TMCO4: variants seen among roughly 807,000 people sequenced by gnomAD.
The protein encoded by TMCO4 is transmembrane and coiled-coil domains 4.
A neutral mutation model predicts 64.7 loss-of-function variants in TMCO4; 58 were observed. The ratio of observed to expected loss-of-function variants is 0.90; its 90% CI spans 0.73 to 1.12. The LOEUF is 1.12. Among genes scored for constraint, TMCO4 ranks in the 50% most tolerant of loss-of-function variants. The pLI, the probability that TMCO4 is intolerant of heterozygous loss-of-function variation, is 0.00. For missense variants in TMCO4, 780 were observed against 825.9 expected, an observed-to-expected ratio of 0.94 and a Z score of 0.68; for synonymous variants, 325 against 346.1, an observed-to-expected ratio of 0.94 and a Z score of 0.68.
At chr1:19,793,731 C>T (rs913424387) in intron 2 of TMCO4, among the ~76,000 whole-genome samples, 1 of 152,186 alleles carries the variant, frequency 6.6e-6, no homozygotes, top group Non-Finnish European at 1.5e-5. Context: ...GGAGGAGGGG[C>T]AGGAGGGTGG....
chr1:19,699,978 C>T (rs1053769752), intron 14 of TMCO4, among the ~76,000 whole-genome samples: 4 of 152,298 alleles, frequency 2.6e-5, no homozygotes, highest in South Asian at 4.1e-4. Flanking sequence ...CCTCAGAACC[C>T]AGGCCTGTGT....
chr1:19,766,132 T>C (rs1883570), intron 6 of TMCO4, among the ~76,000 whole-genome samples: 61,049 of 151,772 alleles, frequency 0.4, 12,289 homozygotes, highest in African/African-American at 0.43. Context: ...TCCAAAGAAG[T>C]GTCGCCCACC....
chr1:19,734,941 C>G lies in TMCO4; in HGVS notation c.1264+2431G>C, dbSNP rs2095447045. Among the ~76,000 whole-genome samples the G allele has an allele frequency of 6.6e-6, 1 of 152,220 alleles. No homozygotes were observed. Among genetic ancestry groups the G allele is most frequent in the East Asian group, 1.9e-4 (1 of 5,174 alleles). Reference sequence around the variant, plus strand: ...AAGTGCTTGGAACACAGCCTGGCACCCGGTGGATCTGCACTAGCTCGTGGG... The same window carrying G: ...AAGTGCTTGGAACACAGCCTGGCACGCGGTGGATCTGCACTAGCTCGTGGG... On this transcript the variant is annotated intron_variant, in intron 13 of 15. Coordinates refer to ENST00000294543, the MANE Select transcript of TMCO4 (RefSeq NM_181719.7). This position sits in a 1 kb window ranked among gnomAD's most constrained non-coding sequence, Gnocchi z 4.4.
chr1:19,710,501 C>A (rs1282385774), intron 13 of TMCO4, among the ~76,000 whole-genome samples: 3 of 152,118 alleles, frequency 2.0e-5, no homozygotes, highest in Non-Finnish European at 2.9e-5. Context: ...CTTCATACAT[C>A]AATTAATTTC....
At chr1:19,725,696 A>G (rs2095405841) in intron 13 of TMCO4, among the ~76,000 whole-genome samples, 1 of 152,166 alleles carries the variant, frequency 6.6e-6, no homozygotes, top group African/African-American at 2.4e-5. Context: ...GGGATTGTTC[A>G]TTGCTAGGAA....
chr1:19,742,499 C>G (rs1047204002), intron 10 of TMCO4, among the ~76,000 whole-genome samples: 7 of 152,328 alleles, frequency 4.6e-5, no homozygotes, highest in South Asian at 2.1e-4. Context: ...GACAATACTA[C>G]AGCTGCCCCC....
chr1:19,763,547 G>C (rs1216096665), intron 6 of TMCO4, among the ~76,000 whole-genome samples: 3 of 152,118 alleles, frequency 2.0e-5, no homozygotes, highest in Non-Finnish European at 2.9e-5. Context: ...GCCACTCTCT[G>C]AGCCAGGGTG....
Position 19,682,244 on chromosome 1 carries a change from T to C in TMCO4, c.*796A>G, listed in dbSNP as rs1448849510. 1 of 191,166 alleles carries C rather than the reference T, an allele frequency of 5.2e-6. No homozygotes were observed. Among genetic ancestry groups the C allele is most frequent in the African/African-American group, 2.3e-5 (1 of 43,664 alleles). The allele number at this position is 191,166 out of a possible 1,614,324, so 11.8% of individuals were successfully genotyped here. A position where few individuals can be genotyped will look rare whatever the true frequency, so the allele number is the denominator to read the frequency against. ...ACATGCTCAAGAAGTGGTAGCTTCTTCTTATTATTATTTATTGCTGTTGTT... is the reference window on the plus strand; with the variant it reads ...ACATGCTCAAGAAGTGGTAGCTTCTCCTTATTATTATTTATTGCTGTTGTT... On this transcript the variant is annotated 3_prime_UTR_variant, in exon 16 of 16. Coordinates refer to ENST00000294543, the MANE Select transcript of TMCO4 (RefSeq NM_181719.7).
intron 7 of TMCO4, among the ~76,000 whole-genome samples, chr1:19,749,773 C>G (rs2041947505): frequency 6.6e-6 from 1 of 152,164 alleles, no homozygotes; most frequent in South Asian, 2.1e-4. Context: ...AGCCTGGGAC[C>G]CAGAACCAGT....
At chr1:19,723,338 C>G (rs533264462) in intron 13 of TMCO4, among the ~76,000 whole-genome samples, 1 of 152,248 alleles carries the variant, frequency 6.6e-6, no homozygotes, top group East Asian at 1.9e-4. Context: ...GGGATAGTCT[C>G]TTCTTTGTCT....
chr1:19,789,734 T>C (rs1013351129), intron 2 of TMCO4, among the ~76,000 whole-genome samples: 4 of 152,104 alleles, frequency 2.6e-5, no homozygotes, highest in African/African-American at 9.7e-5. Flanking sequence ...TTAAGTCCCA[T>C]ACATTTGACC....
At position 19,683,005 on chromosome 1, in the gene TMCO4, A is replaced by G; in HGVS notation, c.*35T>C. 1 of 1,529,556 alleles carries G rather than the reference A, an allele frequency of 6.5e-7. No homozygotes were observed. Among genetic ancestry groups the G allele is most frequent in the Non-Finnish European group, 8.8e-7 (1 of 1,142,280 alleles). The allele number at this position is 1,529,556 out of a possible 1,614,324, so 94.7% of individuals were successfully genotyped here. ...GGGTATAAGAGAGAGCTGCATATGGAGACTGGGGAAGACGGCTCAGGTCCC... is the reference window on the plus strand; with the variant it reads ...GGGTATAAGAGAGAGCTGCATATGGGGACTGGGGAAGACGGCTCAGGTCCC... On this transcript the variant is annotated 3_prime_UTR_variant, in exon 16 of 16. Coordinates refer to ENST00000294543, the MANE Select transcript of TMCO4 (RefSeq NM_181719.7).
chr1:19,738,972 G>A (rs1216587853), intron 12 of TMCO4, among the ~76,000 whole-genome samples: 1 of 152,216 alleles, frequency 6.6e-6, no homozygotes, highest in Non-Finnish European at 1.5e-5. Context: ...GAGCTCGGAT[G>A]ATGCCATCTT....
intron 6 of TMCO4, among the ~76,000 whole-genome samples, chr1:19,766,938 G>T (rs755694241): frequency 6.6e-6 from 1 of 152,118 alleles, no homozygotes; most frequent in Non-Finnish European, 1.5e-5. Flanking sequence ...GGGACCTTTG[G>T]GGCCCTGGCA....
At chr1:19,708,013 C>T (rs749433064) in intron 13 of TMCO4, among the ~76,000 whole-genome samples, 1 of 152,098 alleles carries the variant, frequency 6.6e-6, no homozygotes, top group Non-Finnish European at 1.5e-5. Flanking sequence ...CCCACCAGGC[C>T]TCTCCTTCAA....
chr1:19,780,750 C>T lies in TMCO4; in HGVS notation c.9G>A (p.Met3Ile). Reference sequence around the variant, plus strand: ...GCAGCCTCTGGCATGGCCTGTTCCACATGGCCATTCCCAGCGCTGCAGGAG... The same window carrying T: ...GCAGCCTCTGGCATGGCCTGTTCCATATGGCCATTCCCAGCGCTGCAGGAG... MA[M>I]WNRPCQRLPQ... The change falls in exon 4 of 16, where the codon ATG becomes ATA. Residue 3 changes from methionine to isoleucine, a missense_variant. Met to Ile is a conservative substitution (Grantham distance 10, BLOSUM62 1). Transcript: ENST00000294543. The T allele has an allele frequency of 1.3e-6, 2 of 1,576,658 alleles. No individual in the cohort carries two copies. The highest frequency in any genetic ancestry group is 1.7e-6 in the Non-Finnish European group (2 of 1,167,024).
At chr1:19,726,206 A>G (rs1037575975) in intron 13 of TMCO4, among the ~76,000 whole-genome samples, 2 of 152,204 alleles carry the variant, frequency 1.3e-5, no homozygotes, top group Non-Finnish European at 2.9e-5. Context: ...GGGCAGATGC[A>G]TTGTAACCCA....
At chr1:19,751,889 A>C (rs1042858107) in intron 7 of TMCO4, among the ~76,000 whole-genome samples, 14 of 151,990 alleles carry the variant, frequency 9.2e-5, no homozygotes, top group African/African-American at 3.1e-4. Context: ...TCTACTAAAA[A>C]TACAAAAAAT....
intron 6 of TMCO4, among the ~76,000 whole-genome samples, chr1:19,762,314 C>T (rs867570124): frequency 7.2e-5 from 11 of 152,244 alleles, no homozygotes; most frequent in African/African-American, 2.2e-4. Flanking sequence ...TTACGTATCA[C>T]GGGATAACAG....
Sources: gnomAD v4.1 joint callset for allele counts (sites outside exome capture counted in the v4.1 genomes callset) on GRCh38, gnomAD v4.1.1 for gene constraint, Gnocchi (gnomAD v3.1) non-coding constraint, MANE v1.5 for transcripts, NCBI Gene and HGNC (gene_info 2026-07-23, HGNC 2026-07-21) for gene names.